Variants in CLEC4D observed in about 807,000 individuals in gnomAD.
The protein encoded by CLEC4D is C-type (calcium dependent, carbohydrate-recognition domain) lectin, superfamily member 8.
CLEC4D carries 21 observed loss-of-function variants against 21.1 expected under a neutral mutation model. The ratio of observed to expected loss-of-function variants is 1.00; its 90% confidence interval spans 0.71 to 1.43. CLEC4D has a LOEUF of 1.43. CLEC4D is among the 40% of genes most tolerant of loss of function. The pLI, the probability that CLEC4D is intolerant of heterozygous loss-of-function variation, is 0.00. For missense variants in CLEC4D, 289 were observed against 260.7 expected, an observed-to-expected ratio of 1.11 and a Z score of -0.75; for synonymous variants, 85 against 83.1, an observed-to-expected ratio of 1.02 and a Z score of -0.12.
chr12:8,514,338 T>C (rs1048400161), intron 1 of CLEC4D, among the ~76,000 whole-genome samples: 3 of 152,108 alleles, frequency 2.0e-5, no homozygotes, highest in African/African-American at 4.8e-5. Flanking sequence ...TATATACTGA[T>C]TACATGCTTA....
chr12:8,527,721 C>G, the CLEC4D span, among the ~76,000 whole-genome samples: 5 of 152,232 alleles, frequency 3.3e-5, no homozygotes, highest in Non-Finnish European at 5.9e-5. Flanking sequence ...GCCCTCCGCC[C>G]GCGCTCCCCC....
At chr12:8,529,563 C>A in the CLEC4D span, among the ~76,000 whole-genome samples, 1 of 152,116 alleles carries the variant, frequency 6.6e-6, no homozygotes, top group Non-Finnish European at 1.5e-5. Flanking sequence ...TCCAATGAAG[C>A]CATGATTGTG....
Position 8,519,114 on chromosome 12 carries a change from C to A in CLEC4D, c.338C>A (p.Ser113Ter). ...TGGGCTGAGAGTGAAAGGAACTGTTCAGGGATGGGGGCCCATCTGATGACC... is the reference window on the plus strand; with the variant it reads ...TGGGCTGAGAGTGAAAGGAACTGTTAAGGGATGGGGGCCCATCTGATGACC... Reference protein sequence around the residue: ...KTWAESERNCSGMGAHLMTIS... With the variant: ...KTWAESERNC The change falls in exon 4 of 6, where the codon TCA (serine) becomes TAA (stop). Residue 113 changes from serine to a stop codon, truncating the protein, a stop_gained. Coordinates refer to ENST00000299665, the MANE Select transcript of CLEC4D (RefSeq NM_080387.5). LOFTEE classifies it high-confidence loss of function. 6.2e-7 allele frequency: 1 copy of A among 1,614,058 alleles called. No individual in the cohort carries two copies.
chr12:8,523,016 G>T (rs1591721420), downstream of CLEC4D, among the ~76,000 whole-genome samples: 1 of 152,140 alleles, frequency 6.6e-6, no homozygotes, highest in South Asian at 2.1e-4. Flanking sequence ...TAGATGTATG[G>T]TGTTATTGCT....
chr12:8,528,527 A>G, the CLEC4D span, among the ~76,000 whole-genome samples: 3 of 152,210 alleles, frequency 2.0e-5, no homozygotes, highest in East Asian at 5.8e-4. Context: ...GTCTATTCTG[A>G]ACTCTCATGG....
chr12:8,527,731 C>A, the CLEC4D span, among the ~76,000 whole-genome samples: 2 of 152,248 alleles, frequency 1.3e-5, no homozygotes, highest in Admixed American at 1.3e-4. Context: ...CGCGCTCCCC[C>A]ACCCCCAGGA....
chr12:8,527,737 C>G, the CLEC4D span, among the ~76,000 whole-genome samples: 1 of 152,236 alleles, frequency 6.6e-6, no homozygotes, highest in African/African-American at 2.4e-5. Context: ...CCCCCACCCC[C>G]AGGAGTTCAG....
Sources: gnomAD v4.1 joint callset for allele counts (sites outside exome capture counted in the v4.1 genomes callset) on GRCh38, gnomAD v4.1.1 for gene constraint, MANE v1.5 for transcripts, NCBI Gene and HGNC (gene_info 2026-07-23, HGNC 2026-07-21) for gene names.